KLF4: variants seen among roughly 807,000 people sequenced by gnomAD.
The protein encoded by KLF4 is KLF transcription factor 4.
KLF4 carries 14 observed loss-of-function variants against 38.0 expected under a neutral mutation model. The ratio of observed to expected loss-of-function variants is 0.37; its 90% CI spans 0.24 to 0.58. The LOEUF is 0.58. Among genes scored for constraint, KLF4 ranks in the 20% least tolerant of loss-of-function variants. KLF4 has a pLI of 0.76. For synonymous variants in KLF4, 398 were observed against 302.5 expected (o/e 1.32, Z -3.28); for missense variants, 737 against 670.1 (o/e 1.10, Z -1.10).
rs1204149414 is a variant in KLF4 at position 107,485,686 on chromosome 9, A to G, written c.*65T>C. The G allele has an allele frequency of 3.5e-6, 5 of 1,436,340 alleles. No individual in the cohort carries two copies. The highest frequency in any genetic ancestry group is 2.9e-5 in the African/African-American group (2 of 68,330). The allele number at this position is 1,436,340 out of a possible 1,614,324, so 89.0% of individuals were successfully genotyped here. On this transcript the variant is annotated 3_prime_UTR_variant, in exon 5 of 5. Transcript: ENST00000374672. This position sits in a 1 kb window ranked among gnomAD's most constrained non-coding sequence, Gnocchi z 4.9. ...GGGCTCCTTCCCTCATCGGGAAGACAGTGTGAAAAGTAAAAAATACTGAAT... is the reference window on the plus strand; with the variant it reads ...GGGCTCCTTCCCTCATCGGGAAGACGGTGTGAAAAGTAAAAAATACTGAAT...
In KLF4 at chr9:107,489,062, G is replaced by C; in HGVS notation, c.6-12C>G. The C allele has an allele frequency of 1.3e-6, 2 of 1,553,060 alleles. No individual in the cohort carries two copies. The highest frequency in any genetic ancestry group is 2.4e-5 in the South Asian group (2 of 84,164). On this transcript the variant is annotated splice_polypyrimidine_tract_variant and intron_variant, in intron 1 of 4. Coordinates refer to ENST00000374672, the MANE Select transcript of KLF4 (RefSeq NM_004235.6). ...CGCCAGGTGGCTGCCTGCGAGCAAG[G>C]CAGGGAGCGGAGACAGGAGAGTCAG...
At position 107,488,716 on chromosome 9, in the gene KLF4, G is replaced by A. The variant is rs924181153; in HGVS notation, c.126+214C>T. Among the ~76,000 whole-genome samples, 10 of 152,176 alleles carry A rather than the reference G, an allele frequency of 6.6e-5. No individual in the cohort carries two copies. The highest frequency in any genetic ancestry group is 2.2e-4 in the African/African-American group (9 of 41,460). ...CGCGCCCGGGGACTGGTGAAGACCC[G>A]GCTTGCGCCCCAGGCGGCTCCGCAG... On this transcript the variant is annotated intron_variant, in intron 2 of 4. Transcript: ENST00000374672. The surrounding 1 kb of genome is among the most constrained non-coding windows in gnomAD (Gnocchi z 5.7).
chr9:107,489,057 G>C lies in KLF4; in HGVS notation c.6-7C>G, dbSNP rs1180844523. ...AGACTCGCCAGGTGGCTGCCTGCGA[G>C]CAAGGCAGGGAGCGGAGACAGGAGA... On this transcript the variant is annotated splice_region_variant and splice_polypyrimidine_tract_variant and intron_variant, in intron 1 of 4. Transcript: ENST00000374672. 6.4e-7 allele frequency: 1 copy of C among 1,553,516 alleles called. No individual in the cohort carries two copies. The highest frequency in any genetic ancestry group is 2.4e-5 in the East Asian group (1 of 41,132).
rs1037918585 is a variant in KLF4, at chr9:107,489,737, G to A, written c.-565C>T. ...CGCCTCTGCTCCCCGCGCGCCCGCA[G>A]ACACGTTCGTTCTCTCTGGTCGGGA... On this transcript the variant is annotated 5_prime_UTR_variant, in exon 1 of 5. Transcript: ENST00000374672. The A allele has an allele frequency of 1.9e-5, 4 of 207,236 alleles. No individual in the cohort carries two copies. Among genetic ancestry groups the A allele is most frequent in the Non-Finnish European group, 3.0e-5 (3 of 101,370 alleles). The allele number at this position is 207,236 out of a possible 1,614,324, so 12.8% of individuals were successfully genotyped here.
rs1587923438 is a variant in KLF4, at chr9:107,489,269, A to C, written c.-97T>G. On this transcript the variant is annotated 5_prime_UTR_variant, in exon 1 of 5. Transcript: ENST00000374672. Reference sequence around the variant, plus strand: ...AGAAGAAACGAAGCCAAAACCCAAAACCCCAAATTGGCCGAGATCCTTCTT... The same window carrying C: ...AGAAGAAACGAAGCCAAAACCCAAACCCCCAAATTGGCCGAGATCCTTCTT... The C allele has an allele frequency of 1.4e-6, 2 of 1,386,070 alleles. No homozygotes were observed. Among genetic ancestry groups the C allele is most frequent in the Non-Finnish European group, 1.9e-6 (2 of 1,058,026 alleles). The allele number at this position is 1,386,070 out of a possible 1,614,324, so 85.9% of individuals were successfully genotyped here. A position where few individuals can be genotyped will look rare whatever the true frequency, so the allele number is the denominator to read the frequency against.
chr9:107,487,074 G>A lies in KLF4; in HGVS notation c.1218C>T (p.Thr406=), dbSNP rs1437027009. Residue 406 remains threonine, a synonymous_variant, in exon 4 of 5, where the codon ACC becomes ACT. Coordinates refer to ENST00000374672, the MANE Select transcript of KLF4 (RefSeq NM_004235.6). The surrounding 1 kb of genome is among the most constrained non-coding windows in gnomAD (Gnocchi z 6.1). ...HTCDYAGCGK[T]YTKSSHLKAH... ...CCTTGAGATGGGAACTCTTTGTGTAGGTTTTGCCGCAGCCCGCGTAATCAC... is the reference window on the plus strand; with the variant it reads ...CCTTGAGATGGGAACTCTTTGTGTAAGTTTTGCCGCAGCCCGCGTAATCAC... The A allele has an allele frequency of 1.9e-6, 3 of 1,614,228 alleles. No homozygotes were observed. Among genetic ancestry groups the A allele is most frequent in the Non-Finnish European group, 2.5e-6 (3 of 1,180,048 alleles).
chr9:107,485,967 T>C lies in KLF4; in HGVS notation c.1265-41A>G, dbSNP rs764589473. 5.7e-6 allele frequency: 9 copies of C among 1,575,706 alleles called. No homozygotes were observed. Among genetic ancestry groups the C allele is most frequent in the Non-Finnish European group, 6.0e-6 (7 of 1,161,840 alleles). ...AAAAAAAAAATTGACGCTATTGCTA[T>C]ATCAAAGAATCGCCCCTTTTAAAAA... On this transcript the variant is annotated intron_variant, in intron 4 of 4. Transcript: ENST00000374672. This position sits in a 1 kb window ranked among gnomAD's most constrained non-coding sequence, Gnocchi z 4.9.
chr9:107,488,365 G>C lies in KLF4; in HGVS notation c.127-98C>G. 2 of 1,444,742 alleles carry C rather than the reference G, an allele frequency of 1.4e-6. No homozygotes were observed. Among genetic ancestry groups the C allele is most frequent in the Non-Finnish European group, 1.8e-6 (2 of 1,104,452 alleles). 89.5% of individuals were successfully genotyped at this position (1,444,742 alleles called of 1,614,324 possible). A position where few individuals can be genotyped will look rare whatever the true frequency, so the allele number is the denominator to read the frequency against. On this transcript the variant is annotated intron_variant, in intron 2 of 4. Transcript: ENST00000374672. The surrounding 1 kb of genome is among the most constrained non-coding windows in gnomAD (Gnocchi z 5.7). The stretch of plus-strand genomic sequence containing the variant: ...GGGCCACGCGCGACTGCACCGCCCA[G>C]ACATGGGGACTGGTCAGGCAGGAAG...
chr9:107,486,623 A>C (rs1380626219), intron 4 of KLF4, among the ~76,000 whole-genome samples: 1 of 152,120 alleles, frequency 6.6e-6, no homozygotes, highest in East Asian at 1.9e-4. Context: ...TGAACCTGGG[A>C]AGGGAACATT....
chr9:107,487,755 A>T lies in KLF4; in HGVS notation c.639T>A (p.Ile213=). 3.2e-6 allele frequency: 5 copies of T among 1,570,914 alleles called. No individual in the cohort carries two copies. The highest frequency in any genetic ancestry group is 4.3e-6 in the Non-Finnish European group (5 of 1,158,658). ...CTGGCGGCTGCGGCTGCTGCGGCGG[A>T]ATGTACACCGGGTCCAATTCTGGCC... The part of the protein sequence containing the change: ...LLRPELDPVY[I]PPQQPQPPGG... Residue 213 remains isoleucine, a synonymous_variant, in exon 3 of 5, where the codon ATT becomes ATA. Transcript: ENST00000374672. The surrounding 1 kb of genome is among the most constrained non-coding windows in gnomAD (Gnocchi z 6.1).
rs1829129236 is a variant in KLF4, at chr9:107,488,472, T to C, written c.127-205A>G. The stretch of plus-strand genomic sequence containing the variant: ...AGAGGTGATGCGTCTGTATTGCGGG[T>C]GTTATGTCCTGTCTGCCCAATTGCG... On this transcript the variant is annotated intron_variant, in intron 2 of 4. Coordinates refer to ENST00000374672, the MANE Select transcript of KLF4 (RefSeq NM_004235.6). This position sits in a 1 kb window ranked among gnomAD's most constrained non-coding sequence, Gnocchi z 5.7. 6.8e-6 allele frequency: 6 copies of C among 885,744 alleles called. No individual in the cohort carries two copies. The highest frequency in any genetic ancestry group is 5.5e-5 in the South Asian group (3 of 54,412). The allele number at this position is 885,744 out of a possible 1,614,324, so 54.9% of individuals were successfully genotyped here.
At position 107,488,821 on chromosome 9, in the gene KLF4, C is replaced by T; in HGVS notation, c.126+109G>A. On this transcript the variant is annotated intron_variant, in intron 2 of 4. Transcript: ENST00000374672. The surrounding 1 kb of genome is among the most constrained non-coding windows in gnomAD (Gnocchi z 5.7). ...AAGGTTGCGGAGTCCGCGCGGTGGC[C>T]GCTCCTTACCCTCGTTCAGTGGCTC... 2.1e-6 allele frequency: 3 copies of T among 1,418,844 alleles called. No homozygotes were observed. The highest frequency in any genetic ancestry group is 2.8e-6 in the Non-Finnish European group (3 of 1,061,806). 87.9% of individuals were successfully genotyped at this position (1,418,844 alleles called of 1,614,324 possible). A position where few individuals can be genotyped will look rare whatever the true frequency, so the allele number is the denominator to read the frequency against.
rs1209008915 is a variant in KLF4 at position 107,489,092 on chromosome 9, G to A, written c.6-42C>T. On this transcript the variant is annotated intron_variant, in intron 1 of 4. Transcript: ENST00000374672. The stretch of plus-strand genomic sequence containing the variant: ...GAGCGGAGACAGGAGAGTCAGGGGC[G>A]GCTTTCGGCCGTCGTTCCGGCGCGT... 1.9e-6 allele frequency: 3 copies of A among 1,550,516 alleles called. No homozygotes were observed. In the East Asian group the frequency reaches 7.3e-5, roughly 38 times the overall value.
Position 107,488,390 on chromosome 9 carries a change from G to C in KLF4, c.127-123C>G. ...GACATGGGGACTGGTCAGGCAGGAA[G>C]CACCCGGGAACCCAGGGCGCCAGCG... On this transcript the variant is annotated intron_variant, in intron 2 of 4. Transcript: ENST00000374672. The surrounding 1 kb of genome is among the most constrained non-coding windows in gnomAD (Gnocchi z 5.7). 1 of 1,429,200 alleles carries C rather than the reference G, an allele frequency of 7.0e-7. No homozygotes were observed. Among genetic ancestry groups the C allele is most frequent in the Non-Finnish European group, 9.1e-7 (1 of 1,094,700 alleles). The allele number at this position is 1,429,200 out of a possible 1,614,324, so 88.5% of individuals were successfully genotyped here. A position where few individuals can be genotyped will look rare whatever the true frequency, so the allele number is the denominator to read the frequency against.
In KLF4 at chr9:107,489,169, T is replaced by C; in HGVS notation, c.4A>G (p.Arg2Gly). Residue 2 changes from arginine to glycine, a missense_variant and splice_region_variant, in exon 1 of 5, where the codon AGG (arginine) becomes GGG (glycine). This residue lies in a region of KLF4 where 695 missense variants were observed against 554.5 expected (regional missense o/e 1.25). Transcript: ENST00000374672. The stretch of plus-strand genomic sequence containing the variant: ...CCCAGCGCCGCGCGCCTCACCTACC[T>C]CATTAATGTGGGGGCCCAGAAGGTC... M[R>G]QPPGESDMAV... is the part of the protein sequence containing the mutation. 6.6e-7 allele frequency: 1 copy of C among 1,519,796 alleles called. No homozygotes were observed. The highest frequency in any genetic ancestry group is 8.8e-7 in the Non-Finnish European group (1 of 1,130,106). The allele number at this position is 1,519,796 out of a possible 1,614,324, so 94.1% of individuals were successfully genotyped here. A position where few individuals can be genotyped will look rare whatever the true frequency, so the allele number is the denominator to read the frequency against.
rs1455728539 is a variant in KLF4, at chr9:107,488,465, T to C, written c.127-198A>G. The stretch of plus-strand genomic sequence containing the variant: ...TCGAAGAAGAGGTGATGCGTCTGTA[T>C]TGCGGGTGTTATGTCCTGTCTGCCC... On this transcript the variant is annotated intron_variant, in intron 2 of 4. Transcript: ENST00000374672. The surrounding 1 kb of genome is among the most constrained non-coding windows in gnomAD (Gnocchi z 5.7). The C allele has an allele frequency of 7.4e-6, 7 of 951,022 alleles. No individual in the cohort carries two copies. Among genetic ancestry groups the C allele is most frequent in the African/African-American group, 1.7e-5 (1 of 60,408 alleles). The allele number at this position is 951,022 out of a possible 1,614,324, so 58.9% of individuals were successfully genotyped here. A position where few individuals can be genotyped will look rare whatever the true frequency, so the allele number is the denominator to read the frequency against.
rs753593954 is a variant in KLF4, at chr9:107,487,152, C to T, written c.1140G>A (p.Lys380=). 1.2e-6 allele frequency: 2 copies of T among 1,614,190 alleles called. No individual in the cohort carries two copies. Among genetic ancestry groups the T allele is most frequent in the Non-Finnish European group, 1.7e-6 (2 of 1,180,032 alleles). Residue 380 remains lysine (K), a synonymous_variant, in exon 4 of 5, where the codon AAG becomes AAA. Transcript: ENST00000374672. The surrounding 1 kb of genome is among the most constrained non-coding windows in gnomAD (Gnocchi z 6.1). ...PPGSCMPEEP[K]PKRGRRSWPR... ...GCCACGATCGTCTTCCCCTCTTTGG[C>T]TTGGGCTCCTCTGGCATGCAGGAAC...
rs373655937 is a variant in KLF4 at position 107,488,095 on chromosome 9, T to C, written c.299A>G (p.Asn100Ser). 5.3e-5 allele frequency: 85 copies of C among 1,613,070 alleles called. No individual in the cohort carries two copies. Among genetic ancestry groups the C allele is most frequent in the East Asian group, 3.8e-4 (17 of 44,848 alleles). Residue 100 changes from asparagine to serine, a missense_variant, in exon 3 of 5, where the codon AAC (asparagine) becomes AGC (serine). By Grantham distance (46) the Asn-to-Ser change is conservative. This residue lies in a region of KLF4 where 695 missense variants were observed against 554.5 expected (regional missense o/e 1.25). Transcript: ENST00000374672. The surrounding 1 kb of genome is among the most constrained non-coding windows in gnomAD (Gnocchi z 5.7). ...PLPRRETEEF[N>S]DLLDLDFILS... is the part of the protein sequence containing the mutation. ...AATAAAGTCCAGGTCCAGGAGATCG[T>C]TGAACTCCTCGGTCTCTCTCCGAGG... is the stretch of plus-strand genomic sequence containing the variant.
chr9:107,488,438 G>A lies in KLF4; in HGVS notation c.127-171C>T, dbSNP rs972376828. Reference sequence around the variant, plus strand: ...GCGCTGCAATCTCGGCCCACTCCCGGGTCGAAGAAGAGGTGATGCGTCTGT... The same window carrying A: ...GCGCTGCAATCTCGGCCCACTCCCGAGTCGAAGAAGAGGTGATGCGTCTGT... On this transcript the variant is annotated intron_variant, in intron 2 of 4. Transcript: ENST00000374672. The surrounding 1 kb of genome is among the most constrained non-coding windows in gnomAD (Gnocchi z 5.7). 9 of 1,198,208 alleles carry A rather than the reference G, an allele frequency of 7.5e-6. No individual in the cohort carries two copies. Among genetic ancestry groups the A allele is most frequent in the Non-Finnish European group, 1.0e-5 (9 of 884,490 alleles). 74.2% of individuals were successfully genotyped at this position (1,198,208 alleles called of 1,614,324 possible).
Sources: allele counts gnomAD v4.1 joint callset (sites outside exome capture counted in the v4.1 genomes callset), GRCh38; gene constraint gnomAD v4.1.1; regional missense constraint gnomAD v4.1.1; non-coding constraint Gnocchi (gnomAD v3.1); transcripts MANE v1.5; gene names NCBI Gene and HGNC (gene_info 2026-07-23, HGNC 2026-07-21).